Variants in PRKN observed in about 807,000 individuals in gnomAD.
The protein encoded by PRKN is parkin RBR E3 ubiquitin protein ligase, also known as E3 ubiquitin-protein ligase parkin.
In PRKN, 56 loss-of-function variants were observed where a neutral mutation model predicts 59.5. That is an observed-to-expected ratio of 0.94 (90% CI 0.76 to 1.18). The LOEUF (loss-of-function observed/expected upper bound fraction) is 1.18, where lower values mean the gene tolerates loss of function less well. Among genes scored for constraint, PRKN ranks in the 50% most tolerant of loss-of-function variants. The pLI, the probability that PRKN is intolerant of heterozygous loss-of-function variation, is 0.00. For missense variants in PRKN, 657 were observed against 596.4 expected (o/e 1.10, Z -1.06); for synonymous variants, 250 against 222.1 (o/e 1.13, Z -1.12).
intron 9 of PRKN, among the ~76,000 whole-genome samples, chr6:161,521,724 A>T (rs1778832365): frequency 6.6e-6 from 1 of 152,068 alleles, no homozygotes; most frequent in Non-Finnish European, 1.5e-5. Context: ...CCCATTTGGG[A>T]GGTCCATTTT....
chr6:162,633,114 A>G (rs1777572554), intron 1 of PRKN, among the ~76,000 whole-genome samples: 1 of 151,990 alleles, frequency 6.6e-6, no homozygotes, highest in Admixed American at 6.6e-5. Flanking sequence ...TAGATGAGCT[A>G]TAAAATCACC....
chr6:162,510,940 TA>T (rs1285891137), intron 1 of PRKN, among the ~76,000 whole-genome samples: 1 of 139,034 alleles, frequency 7.2e-6, no homozygotes, highest in Non-Finnish European at 1.6e-5. Context: ...AACAAACAAA[TA>T]AAAAAACAAA....
intron 9 of PRKN, among the ~76,000 whole-genome samples, chr6:161,522,947 C>A (rs981822879): frequency 6.6e-6 from 1 of 152,134 alleles, no homozygotes; most frequent in Non-Finnish European, 1.5e-5. Flanking sequence ...GGTAACTTCA[C>A]GTTTGCATGT....
At chr6:162,213,627 T>C (rs938361627) in intron 3 of PRKN, among the ~76,000 whole-genome samples, 1 of 151,858 alleles carries the variant, frequency 6.6e-6, no homozygotes, top group African/African-American at 2.4e-5. Flanking sequence ...TAGGAATAGC[T>C]AGGAGGCTGA....
At chr6:162,299,831 A>G (rs1781862366) in intron 2 of PRKN, among the ~76,000 whole-genome samples, 1 of 152,098 alleles carries the variant, frequency 6.6e-6, no homozygotes, top group Admixed American at 6.5e-5. Flanking sequence ...AACTAATTAC[A>G]CATAATTGTA....
chr6:161,692,825 G>C (rs900001735), intron 7 of PRKN, among the ~76,000 whole-genome samples: 2 of 151,874 alleles, frequency 1.3e-5, no homozygotes, highest in African/African-American at 4.8e-5. Flanking sequence ...GCGCACACCT[G>C]TAATCCCAGC....
chr6:162,590,968 C>G (rs959476044), intron 1 of PRKN, among the ~76,000 whole-genome samples: 1 of 151,936 alleles, frequency 6.6e-6, no homozygotes, highest in Non-Finnish European at 1.5e-5. Flanking sequence ...TTCAAAGTCA[C>G]CAGGTCTGAT....
chr6:161,939,664 G>A (rs1051390461), intron 6 of PRKN, among the ~76,000 whole-genome samples: 4 of 151,652 alleles, frequency 2.6e-5, no homozygotes, highest in African/African-American at 9.7e-5. Flanking sequence ...CTCAGGAGGC[G>A]GAGGTTGCAA....
chr6:161,952,675 C>T (rs905867198), intron 6 of PRKN, among the ~76,000 whole-genome samples: 1 of 152,074 alleles, frequency 6.6e-6, no homozygotes, highest in Admixed American at 6.6e-5. Flanking sequence ...ATGTGCCTGG[C>T]ACAGAATGAG....
In PRKN at chr6:161,473,083, G is replaced by A. The variant is rs866675570; in HGVS notation, c.1083+75771C>T. On this transcript the variant is annotated intron_variant, in intron 9 of 11. Coordinates refer to ENST00000366898, the MANE Select transcript of PRKN (RefSeq NM_004562.3). The surrounding 1 kb of genome is among the most constrained non-coding windows in gnomAD (Gnocchi z 4.1). The stretch of plus-strand genomic sequence containing the variant: ...TTGCAGCCTTTATGGAAAACAGTAC[G>A]AAGGTTCCTTAAAAAATAAAAAAAT... Among the ~76,000 whole-genome samples the A allele has an allele frequency of 6.6e-6, 1 of 152,038 alleles. No individual in the cohort carries two copies. Among genetic ancestry groups the A allele is most frequent in the Admixed American group, 6.6e-5 (1 of 15,236 alleles).
At chr6:162,076,736 C>T (rs774799029) in intron 4 of PRKN, among the ~76,000 whole-genome samples, 2 of 152,066 alleles carry the variant, frequency 1.3e-5, no homozygotes, top group Non-Finnish European at 2.9e-5. Context: ...ATCATTTATC[C>T]TCCTTTTAGA....
chr6:162,464,746 G>A (rs903400056), intron 1 of PRKN, among the ~76,000 whole-genome samples: 2 of 151,224 alleles, frequency 1.3e-5, no homozygotes. Context: ...GGAGAATGGC[G>A]TGAACCCAGA....
chr6:161,867,947 G>C (rs1379476053), intron 6 of PRKN, among the ~76,000 whole-genome samples: 1 of 151,648 alleles, frequency 6.6e-6, no homozygotes, highest in East Asian at 2.0e-4. Flanking sequence ...TTTTAGTAGA[G>C]ACGAGGTTTC....
intron 7 of PRKN, among the ~76,000 whole-genome samples, chr6:161,720,814 T>C (rs1787190219): frequency 1.3e-5 from 2 of 152,120 alleles, no homozygotes; most frequent in South Asian, 4.1e-4. Flanking sequence ...TCTTCATTCA[T>C]CCTGCAAATA....
chr6:161,630,222 C>T (rs1783248879), intron 7 of PRKN, among the ~76,000 whole-genome samples: 1 of 152,086 alleles, frequency 6.6e-6, no homozygotes, highest in African/African-American at 2.4e-5. Context: ...AAAAATTGAG[C>T]TTTGAAGGTC....
At chr6:162,009,096 T>C (rs1013945423) in intron 5 of PRKN, among the ~76,000 whole-genome samples, 8 of 151,638 alleles carry the variant, frequency 5.3e-5, no homozygotes, top group African/African-American at 1.5e-4. Context: ...TTACTAAAAA[T>C]ACAAAAATTA....
At chr6:161,420,054 C>T (rs537349780) in intron 9 of PRKN, among the ~76,000 whole-genome samples, 25 of 151,738 alleles carry the variant, frequency 1.6e-4, no homozygotes, top group Non-Finnish European at 2.8e-4. Flanking sequence ...CTGGCTAACA[C>T]GGTGAAACCC....
chr6:162,104,735 G>T (rs1040150099), intron 4 of PRKN, among the ~76,000 whole-genome samples: 1 of 152,130 alleles, frequency 6.6e-6, no homozygotes, highest in East Asian at 1.9e-4. Flanking sequence ...TAGGGGTGGG[G>T]ATCAAAAAGA....
chr6:161,820,528 TA>T (rs1463934719), intron 6 of PRKN, among the ~76,000 whole-genome samples: 3 of 147,656 alleles, frequency 2.0e-5, no homozygotes, highest in African/African-American at 7.3e-5. Flanking sequence ...ATTTAAAAAA[TA>T]AAAATTTTAT....
Sources: allele counts gnomAD v4.1 joint callset (sites outside exome capture counted in the v4.1 genomes callset), GRCh38; gene constraint gnomAD v4.1.1; non-coding constraint Gnocchi (gnomAD v3.1); transcripts MANE v1.5; gene names NCBI Gene and HGNC (gene_info 2026-07-23, HGNC 2026-07-21).